PDAP1: variants seen among roughly 807,000 people sequenced by gnomAD.
PDAP1 encodes the protein PDGFA associated protein 1.
A neutral mutation model predicts 28.0 loss-of-function variants in PDAP1; 13 were observed. The ratio of observed to expected loss-of-function variants is 0.46; its 90% CI spans 0.30 to 0.74. The LOEUF is 0.74. Ranked by LOEUF, PDAP1 falls within the 30% of genes least tolerant of loss-of-function variation. PDAP1 has a pLI of 0.07. For missense variants in PDAP1, 150 were observed against 230.0 expected, an observed-to-expected ratio of 0.65 and a Z score of 2.25; for synonymous variants, 77 against 85.1, an observed-to-expected ratio of 0.91 and a Z score of 0.52.
chr7:99,396,339 G>GCTAT lies in PDAP1; in HGVS notation c.*339_*342dup. On this transcript the variant is annotated 3_prime_UTR_variant, in exon 6 of 6. Transcript: ENST00000350498. ...TCCTGGGACAACCACCCCCTTACAT[G>GCTAT]CTATCTATCTACCAGACAAATGAAA... 2.7e-6 allele frequency: 1 copy of GCTAT among 367,946 alleles called. No homozygotes were observed. Among genetic ancestry groups the GCTAT allele is most frequent in the South Asian group, 2.2e-5 (1 of 44,642 alleles). 22.8% of individuals were successfully genotyped at this position (367,946 alleles called of 1,614,324 possible).
chr7:99,399,867 G>A (rs1794831760), intron 4 of PDAP1, among the ~76,000 whole-genome samples: 1 of 152,214 alleles, frequency 6.6e-6, no homozygotes, highest in African/African-American at 2.4e-5. Context: ...ACTTGCAGAG[G>A]CCTGGGACAG....
Position 99,408,554 on chromosome 7 carries a change from C to A in PDAP1, c.-6G>T. The A allele has an allele frequency of 1.6e-6, 2 of 1,277,340 alleles. No homozygotes were observed. The highest frequency in any genetic ancestry group is 2.0e-6 in the Non-Finnish European group (2 of 1,009,598). The allele number at this position is 1,277,340 out of a possible 1,614,324, so 79.1% of individuals were successfully genotyped here. A position where few individuals can be genotyped will look rare whatever the true frequency, so the allele number is the denominator to read the frequency against. On this transcript the variant is annotated 5_prime_UTR_variant, in exon 1 of 6. Transcript: ENST00000350498. The stretch of plus-strand genomic sequence containing the variant: ...CCCTCACCTCCTTTAGGCATTGCGG[C>A]TCCGGCGGCTGCGGCGGCGGCGGCG...
Position 99,407,400 on chromosome 7 carries a change from A to G in PDAP1, c.13+1136T>C, listed in dbSNP as rs536754557. Among the ~76,000 whole-genome samples, 4 of 152,348 alleles carry G rather than the reference A, an allele frequency of 2.6e-5. No individual in the cohort carries two copies. The South Asian group carries it at 8.3e-4, about 32-fold the overall frequency. ...GATGAAGGGACTGGGGAACAATAGC[A>G]GAGAGACTTTTCCAGCCACAGAATA... On this transcript the variant is annotated intron_variant, in intron 1 of 5. Coordinates refer to ENST00000350498, the MANE Select transcript of PDAP1 (RefSeq NM_014891.7).
Position 99,397,784 on chromosome 7 carries a change from G to A in PDAP1, c.487+78C>T, listed in dbSNP as rs946316718. 9.1e-6 allele frequency: 14 copies of A among 1,545,444 alleles called. No homozygotes were observed. In the South Asian group the frequency reaches 9.3e-5, roughly 10 times the overall value. On this transcript the variant is annotated intron_variant, in intron 5 of 5. Transcript: ENST00000350498. ...CACCTCATTGTCACCTCGCGGACAG[G>A]GACACGAGTTCAGTGCTTTGTGGCT... is the stretch of plus-strand genomic sequence containing the variant.
intron 3 of PDAP1, among the ~76,000 whole-genome samples, chr7:99,402,883 AAAAAAAAAAAAAAG>A (rs1794900931): frequency 7.1e-6 from 1 of 140,478 alleles, no homozygotes; most frequent in Non-Finnish European, 1.5e-5. Flanking sequence ...CATCTCAAAA[AAAAAAAAAAAAAAG>A]AAAAGAAAAG....
At position 99,396,169 on chromosome 7, in the gene PDAP1, A is replaced by C. The variant is rs1397903229; in HGVS notation, c.*513T>G. The C allele has an allele frequency of 1.2e-5, 2 of 171,708 alleles. No homozygotes were observed. Among genetic ancestry groups the C allele is most frequent in the Non-Finnish European group, 2.6e-5 (2 of 78,370 alleles). The allele number at this position is 171,708 out of a possible 1,614,324, so 10.6% of individuals were successfully genotyped here. ...GGAAGGGCAGAGAGGTGAGGCCCTG[A>C]GGTCAGTCAGACAGGACTGACCAGG... On this transcript the variant is annotated 3_prime_UTR_variant, in exon 6 of 6. Transcript: ENST00000350498.
intron 2 of PDAP1, 24 bp from the exon 3 acceptor site, chr7:99,403,529 C>T (rs1188153895): frequency 2.1e-6 from 3 of 1,460,360 alleles, no homozygotes; most frequent in African/African-American, 2.8e-5. Flanking sequence ...GGACAACCTG[C>T]AGAATCAAAA....
intron 3 of PDAP1, among the ~76,000 whole-genome samples, chr7:99,400,740 C>T (rs563427573): frequency 8.5e-5 from 13 of 152,316 alleles, no homozygotes; most frequent in Non-Finnish European, 1.8e-4. Flanking sequence ...ACTTCAAGCT[C>T]GGCTTCCAAA....
rs1794977724 is a variant in PDAP1, at chr7:99,406,680, A to G, written c.14-1727T>C. On this transcript the variant is annotated intron_variant, in intron 1 of 5. Coordinates refer to ENST00000350498, the MANE Select transcript of PDAP1 (RefSeq NM_014891.7). Reference sequence around the variant, plus strand: ...GTATGCAAGGGTGGCTGTGGCCTCAACTTCCACACAGGAAGCTGAGGCCCA... The same window carrying G: ...GTATGCAAGGGTGGCTGTGGCCTCAGCTTCCACACAGGAAGCTGAGGCCCA... The G allele has an allele frequency of 2.7e-5, 23 of 856,654 alleles. No homozygotes were observed. In the Admixed American group the frequency reaches 3.1e-4, roughly 12 times the overall value. 53.1% of individuals were successfully genotyped at this position (856,654 alleles called of 1,614,324 possible). A position where few individuals can be genotyped will look rare whatever the true frequency, so the allele number is the denominator to read the frequency against.
At chr7:99,407,806 G>A (rs764648911) in intron 1 of PDAP1, among the ~76,000 whole-genome samples, 10 of 152,120 alleles carry the variant, frequency 6.6e-5, no homozygotes, top group Non-Finnish European at 8.8e-5. Context: ...ATAGAGGACG[G>A]GCTACAATGG....
At chr7:99,400,193 G>A in intron 4 of PDAP1, 110 bp downstream of exon 4, 1 of 1,236,824 alleles carries the variant, frequency 8.1e-7, no homozygotes, top group Non-Finnish European at 1.1e-6. Flanking sequence ...ATTGGGGAAT[G>A]AGACAGAAAT....
intron 3 of PDAP1, 71 bp downstream of exon 3, chr7:99,403,327 T>C: frequency 1.1e-6 from 1 of 925,254 alleles, no homozygotes; most frequent in Non-Finnish European, 1.8e-6. Context: ...GGACTAGTAC[T>C]AAACGGTCAC....
chr7:99,397,808 C>A, intron 5 of PDAP1, 54 bp downstream of exon 5: 3 of 1,590,258 alleles, frequency 1.9e-6, no homozygotes, highest in Non-Finnish European at 2.6e-6. Context: ...TGCTTTGTGG[C>A]TGGCCCAGGA....
At chr7:99,397,659 G>A (rs1434450560) in intron 5 of PDAP1, among the ~76,000 whole-genome samples, 1 of 152,172 alleles carries the variant, frequency 6.6e-6, no homozygotes, top group Non-Finnish European at 1.5e-5. Flanking sequence ...ACCTACATCC[G>A]ACCCCATGAT....
chr7:99,402,888 A>AG (rs1247533345), intron 3 of PDAP1, among the ~76,000 whole-genome samples: 1 of 131,424 alleles, frequency 7.6e-6, no homozygotes, highest in Non-Finnish European at 1.5e-5. Context: ...CAAAAAAAAA[A>AG]AAAAAAAAGA....
intron 1 of PDAP1, 74 bp downstream of exon 1, chr7:99,408,462 G>T: frequency 7.8e-7 from 1 of 1,286,984 alleles, no homozygotes; most frequent in Non-Finnish European, 1.0e-6. Context: ...AGACGCGCAC[G>T]GGCTGAGGGG....
rs541922562 is a variant in PDAP1, at chr7:99,398,474, T to A, written c.336-461A>T. The stretch of plus-strand genomic sequence containing the variant: ...TGGGAGGCCAAGACAAGAGGATCAC[T>A]TGAGGCTGTAAGTTTGAGACCTGCC... On this transcript the variant is annotated intron_variant, in intron 4 of 5. Transcript: ENST00000350498. Among the ~76,000 whole-genome samples the A allele has an allele frequency of 1.3e-3, 205 of 152,300 alleles. 1 individual carries two copies. Among genetic ancestry groups the A allele is most frequent in the Admixed American group, 3.7e-3 (57 of 15,300 alleles).
intron 5 of PDAP1, 95 bp from the exon 6 acceptor site, chr7:99,396,835 G>C (rs1794777109): frequency 1.0e-6 from 1 of 962,548 alleles, no homozygotes; most frequent in Non-Finnish European, 1.6e-6. Context: ...GGTCTGAAAG[G>C]CTGCAGAAAA....
intron 3 of PDAP1, among the ~76,000 whole-genome samples, chr7:99,402,878 C>CAAAAA (rs543294031): frequency 2.8e-4 from 20 of 71,694 alleles, no homozygotes; most frequent in African/African-American, 3.2e-4. Context: ...CACTTCATCT[C>CAAAAA]AAAAAAAAAA....
Sources: allele counts gnomAD v4.1 joint callset (sites outside exome capture counted in the v4.1 genomes callset), GRCh38; gene constraint gnomAD v4.1.1; transcripts MANE v1.5; gene names NCBI Gene and HGNC (gene_info 2026-07-23, HGNC 2026-07-21).